Variants in GDPD3 observed in about 807,000 individuals in gnomAD.
GDPD3 encodes glycerophosphodiester phosphodiesterase domain containing 3, also known as lysophospholipase D GDPD3.
A neutral mutation model predicts 43.7 loss-of-function variants in GDPD3; 40 were observed. The observed-to-expected ratio is 0.91, with a 90% CI of 0.71 to 1.19. The LOEUF (loss-of-function observed/expected upper bound fraction) is 1.19. Among genes scored for constraint, GDPD3 ranks in the 50% most tolerant of loss-of-function variants. The pLI is 0.00. For missense variants in GDPD3, 363 were observed against 415.8 expected, an observed-to-expected ratio of 0.87 and a Z score of 1.11; for synonymous variants, 145 against 162.9, an observed-to-expected ratio of 0.89 and a Z score of 0.84.
intron 9 of GDPD3, among the ~76,000 whole-genome samples, chr16:30,105,848 C>T (rs1025965125): frequency 2.7e-5 from 4 of 150,736 alleles, no homozygotes; most frequent in South Asian, 2.1e-4. Flanking sequence ...TAGTGGCTCA[C>T]GCCTGTAATC....
rs758578117 is a variant in GDPD3 at position 30,112,629 on chromosome 16, G to C, written c.318+29C>G. On this transcript the variant is annotated intron_variant, in intron 3 of 9. Coordinates refer to ENST00000406256, the MANE Select transcript of GDPD3 (RefSeq NM_024307.3). The surrounding 1 kb of genome is among the most constrained non-coding windows in gnomAD (Gnocchi z 5.4). ...CATTGGGCATGGTGACTCTCAGGGT[G>C]GGGGTTGGGGTGTCAGGGCAGGGCC... The C allele has an allele frequency of 9.9e-6, 16 of 1,613,920 alleles. No individual in the cohort carries two copies. The highest frequency in any genetic ancestry group is 1.2e-5 in the Non-Finnish European group (14 of 1,179,942).
rs983216830 is a variant in GDPD3, at chr16:30,108,836, AT to A, written c.708-405del. On this transcript the variant is annotated intron_variant, in intron 7 of 9. Transcript: ENST00000406256. ...TTTATCTTATTATTAATTTAAATTA[AT>A]TTTTTTTTTTTTGAGACAGAGTCTT... Among the ~76,000 whole-genome samples, 222 of 146,056 alleles carry A rather than the reference AT, an allele frequency of 1.5e-3. 2 individuals are homozygous for A. Among genetic ancestry groups the A allele is most frequent in the Non-Finnish European group, 2.1e-3 (137 of 65,962 alleles).
chr16:30,113,416 G>C lies in GDPD3; in HGVS notation c.63C>G (p.Phe21Leu). 6.2e-7 allele frequency: 1 copy of C among 1,612,398 alleles called. No homozygotes were observed. Residue 21 changes from phenylalanine to leucine, a missense_variant, in exon 1 of 10, where the codon TTC becomes TTG. By Grantham distance (22) the Phe-to-Leu change is conservative. Coordinates refer to ENST00000406256, the MANE Select transcript of GDPD3 (RefSeq NM_024307.3). This position sits in a 1 kb window ranked among gnomAD's most constrained non-coding sequence, Gnocchi z 5.9. ...GCAGCAGATGAGGCCGGCGCAGGAA[G>C]AAGATGGAGAGCATGGCATAGCTGC... ...ALGSYAMLSIFFLRRPHLLHT... is the reference protein window; with the variant it reads ...ALGSYAMLSILFLRRPHLLHT...
chr16:30,109,131 T>C (rs893802920), intron 7 of GDPD3, among the ~76,000 whole-genome samples: 1 of 152,102 alleles, frequency 6.6e-6, no homozygotes. Context: ...TGCCCGGCCA[T>C]TAAAAAATTT....
rs1358598471 is a variant in GDPD3, at chr16:30,112,207, C to A, written c.498G>T (p.Val166=). ...TGATTTCATTACGGTCATAGCGTCT[C>A]ACCAAGCCTGCTATCTGGGAGGAGG... ...EELIREIAGL[V]RRYDRNEITI... The change falls in exon 6 of 10, where the codon GTG becomes GTT. Residue 166 remains valine, a synonymous_variant. Coordinates refer to ENST00000406256, the MANE Select transcript of GDPD3 (RefSeq NM_024307.3). This position sits in a 1 kb window ranked among gnomAD's most constrained non-coding sequence, Gnocchi z 5.4. The A allele has an allele frequency of 6.2e-7, 1 of 1,614,058 alleles. No homozygotes were observed. Among genetic ancestry groups the A allele is most frequent in the Admixed American group, 1.7e-5 (1 of 60,022 alleles).
Position 30,112,947 on chromosome 16 carries a change from GC to G in GDPD3, c.182+74del. On this transcript the variant is annotated intron_variant, in intron 2 of 9. Coordinates refer to ENST00000406256, the MANE Select transcript of GDPD3 (RefSeq NM_024307.3). This position sits in a 1 kb window ranked among gnomAD's most constrained non-coding sequence, Gnocchi z 5.4. ...CAGTCACCCAGCTAGGAAGTGAATG[GC>G]GTCCCTTGCTGTGATGCAGTCCACG... is the stretch of plus-strand genomic sequence containing the variant. The G allele has an allele frequency of 6.6e-7, 1 of 1,519,802 alleles. No homozygotes were observed. Among genetic ancestry groups the G allele is most frequent in the Non-Finnish European group, 9.1e-7 (1 of 1,098,384 alleles). 94.1% of individuals were successfully genotyped at this position (1,519,802 alleles called of 1,614,324 possible).
At chr16:30,108,136 A>G (rs767491429) in intron 9 of GDPD3, 77 bp downstream of exon 9, 38 of 1,303,626 alleles carry the variant, frequency 2.9e-5, no homozygotes, top group Non-Finnish European at 4.0e-5. Flanking sequence ...CGAGTGATGC[A>G]GCTAGTTGGC....
chr16:30,113,337 C>T lies in GDPD3; in HGVS notation c.139+3G>A, dbSNP rs2072919922. The T allele has an allele frequency of 8.1e-6, 13 of 1,595,932 alleles. No homozygotes were observed. Among genetic ancestry groups the T allele is most frequent in the Non-Finnish European group, 1.1e-5 (13 of 1,169,610 alleles). On this transcript the variant is annotated splice_donor_region_variant and intron_variant, in intron 1 of 9. Transcript: ENST00000406256. The surrounding 1 kb of genome is among the most constrained non-coding windows in gnomAD (Gnocchi z 5.9). The stretch of plus-strand genomic sequence containing the variant: ...CACCTGTTCTCACCCCTACCCGGCT[C>T]ACCTCCTCGGTGGGCCCCCAGGCGG...
chr16:30,112,877 G>C lies in GDPD3; in HGVS notation c.183-84C>G. 6.5e-7 allele frequency: 1 copy of C among 1,549,736 alleles called. No individual in the cohort carries two copies. Among genetic ancestry groups the C allele is most frequent in the Non-Finnish European group, 8.9e-7 (1 of 1,128,192 alleles). ...GGCTGGGAGGTGGCCGGGAATGTGA[G>C]AGCGGAGTTCGTGGCGGGATGTGCA... On this transcript the variant is annotated intron_variant, in intron 2 of 9. Coordinates refer to ENST00000406256, the MANE Select transcript of GDPD3 (RefSeq NM_024307.3). The surrounding 1 kb of genome is among the most constrained non-coding windows in gnomAD (Gnocchi z 5.4).
intron 8 of GDPD3, 46 bp downstream of exon 8, chr16:30,108,327 T>C: frequency 6.2e-7 from 1 of 1,612,614 alleles, no homozygotes; most frequent in African/African-American, 1.3e-5. Flanking sequence ...AGGGCAGCAG[T>C]AGGTCTCTAT....
intron 7 of GDPD3, 92 bp from the exon 8 acceptor site, chr16:30,108,524 C>T (rs553000395): frequency 9.0e-6 from 10 of 1,114,178 alleles, no homozygotes; most frequent in East Asian, 2.4e-5. Flanking sequence ...ACTAGGGTAG[C>T]GCTGCCCTCC....
chr16:30,105,158 A>C (rs1596867807), intron 9 of GDPD3, 149 bp from the exon 10 acceptor site: 1 of 664,628 alleles, frequency 1.5e-6, no homozygotes. Context: ...TGGTTATTAA[A>C]CCCAGCCATT....
chr16:30,105,068 G>T, intron 9 of GDPD3, 59 bp from the exon 10 acceptor site: 3 of 1,403,482 alleles, frequency 2.1e-6, no homozygotes, highest in Non-Finnish European at 3.0e-6. Context: ...GGAGAGTGGG[G>T]ACCCACCTCC....
Position 30,112,501 on chromosome 16 carries a change from G to T in GDPD3, c.364+22C>A. The T allele has an allele frequency of 6.2e-7, 1 of 1,614,116 alleles. No homozygotes were observed. Among genetic ancestry groups the T allele is most frequent in the Non-Finnish European group, 8.5e-7 (1 of 1,179,960 alleles). On this transcript the variant is annotated intron_variant, in intron 4 of 9. Coordinates refer to ENST00000406256, the MANE Select transcript of GDPD3 (RefSeq NM_024307.3). This position sits in a 1 kb window ranked among gnomAD's most constrained non-coding sequence, Gnocchi z 5.4. Reference sequence around the variant, plus strand: ...AGGAAGGCAGGCATGGCCCAGGCAGGGCTCGAAGCCCTTGCTCTCACCTGG... The same window carrying T: ...AGGAAGGCAGGCATGGCCCAGGCAGTGCTCGAAGCCCTTGCTCTCACCTGG...
At position 30,112,853 on chromosome 16, in the gene GDPD3, G is replaced by A. The variant is rs1033199644; in HGVS notation, c.183-60C>T. On this transcript the variant is annotated intron_variant, in intron 2 of 9. Coordinates refer to ENST00000406256, the MANE Select transcript of GDPD3 (RefSeq NM_024307.3). The surrounding 1 kb of genome is among the most constrained non-coding windows in gnomAD (Gnocchi z 5.4). ...GGGGACTGGGATGAGGGGCATGGTG[G>A]CTGGGAGGTGGCCGGGAATGTGAGA... The A allele has an allele frequency of 1.9e-6, 3 of 1,575,762 alleles. No homozygotes were observed. Among genetic ancestry groups the A allele is most frequent in the African/African-American group, 1.3e-5 (1 of 74,294 alleles).
chr16:30,105,021 G>T lies in GDPD3; in HGVS notation c.820-12C>A, dbSNP rs924119927. On this transcript the variant is annotated splice_polypyrimidine_tract_variant and intron_variant, in intron 9 of 9. Transcript: ENST00000406256. ...CACCAAAAGACCACCTGAGCAGGGA[G>T]GGAGGGGGCCTGTAGATTCTGAACA... 2 of 1,595,018 alleles carry T rather than the reference G, an allele frequency of 1.3e-6. No homozygotes were observed. Among genetic ancestry groups the T allele is most frequent in the South Asian group, 1.1e-5 (1 of 88,670 alleles).
chr16:30,111,354 G>C, intron 7 of GDPD3, 34 bp downstream of exon 7: 3 of 1,610,440 alleles, frequency 1.9e-6, no homozygotes, highest in South Asian at 1.1e-5. Context: ...CTAAGCAGTG[G>C]GGAGTTTTTC....
intron 9 of GDPD3, among the ~76,000 whole-genome samples, chr16:30,106,068 G>A (rs1175742760): frequency 1.3e-5 from 2 of 151,960 alleles, no homozygotes; most frequent in African/African-American, 2.4e-5. Flanking sequence ...CTGAGATCAC[G>A]CCATTGCACT....
chr16:30,109,860 C>T (rs979074266), intron 7 of GDPD3, among the ~76,000 whole-genome samples: 31 of 152,128 alleles, frequency 2.0e-4, no homozygotes, highest in African/African-American at 7.5e-4. Flanking sequence ...CCACTGTGCC[C>T]ATTGGCCAGC....
Sources: gnomAD v4.1 joint callset for allele counts (sites outside exome capture counted in the v4.1 genomes callset) on GRCh38, gnomAD v4.1.1 for gene constraint, Gnocchi (gnomAD v3.1) non-coding constraint, MANE v1.5 for transcripts, NCBI Gene and HGNC (gene_info 2026-07-23, HGNC 2026-07-21) for gene names.